The following SYNPO2 variants were observed in gnomAD, a reference collection of about 807,000 sequenced individuals.
The protein encoded by SYNPO2 is synaptopodin 2, also known as synaptopodin-2.
Under a neutral mutation model 85.0 loss-of-function variants are expected in SYNPO2, and 56 were observed. The observed-to-expected ratio is 0.66, with a 90% CI of 0.53 to 0.82. The LOEUF (loss-of-function observed/expected upper bound fraction) is 0.82, where lower values mean the gene tolerates loss of function less well. Ranked by LOEUF, SYNPO2 falls within the 40% of genes least tolerant of loss-of-function variation. The pLI is 0.00. For missense variants in SYNPO2, 1,575 were observed against 1,534.2 expected (o/e 1.03, Z -0.44); for synonymous variants, 602 against 591.1 (o/e 1.02, Z -0.27).
rs189509380 is a variant in SYNPO2, at chr4:118,915,645, G to A, written c.105+26504G>A. Among the ~76,000 whole-genome samples, 126 of 152,200 alleles carry A rather than the reference G, an allele frequency of 8.3e-4. 1 individual carries two copies. Among genetic ancestry groups the A allele is most frequent in the Middle Eastern group, 6.8e-3 (2 of 294 alleles). On this transcript the variant is annotated intron_variant, in intron 1 of 4. Coordinates refer to ENST00000307142, the MANE Select transcript of SYNPO2 (RefSeq NM_133477.3). ...TTGCTATTGTGAACACGTGTTACTA[G>A]AACATGTTTCCTCTTGTACATGGGC... is the stretch of plus-strand genomic sequence containing the variant.
intron 1 of SYNPO2, among the ~76,000 whole-genome samples, chr4:118,915,463 C>A (rs1014453219): frequency 6.6e-6 from 1 of 152,044 alleles, no homozygotes; most frequent in Non-Finnish European, 1.5e-5. Context: ...ATCTTCGGGA[C>A]TTGTTTTTCC....
chr4:119,030,836 C>G lies in SYNPO2; in HGVS notation c.2061C>G (p.Ala687=). ...AAAGAACAGGAATATTGCAGGAGGC[C>G]AAAAGGAGAAGCACGACAAAACCCA... ...PAKRTGILQE[A]KRRSTTKPMF... is the part of the protein sequence containing the mutation. The change falls in exon 4 of 5, where the codon GCC becomes GCG. Residue 687 remains alanine, a synonymous_variant. Coordinates refer to ENST00000307142, the MANE Select transcript of SYNPO2 (RefSeq NM_133477.3). The G allele has an allele frequency of 6.2e-7, 1 of 1,614,022 alleles. No homozygotes were observed. The highest frequency in any genetic ancestry group is 1.1e-5 in the South Asian group (1 of 91,074).
At chr4:119,051,033 C>G (rs1043796974) in intron 4 of SYNPO2, among the ~76,000 whole-genome samples, 2 of 151,978 alleles carry the variant, frequency 1.3e-5, no homozygotes, top group African/African-American at 4.8e-5. Flanking sequence ...TATTATTTCT[C>G]CTTAGTTTGA....
intron 2 of SYNPO2, among the ~76,000 whole-genome samples, chr4:119,024,175 G>C (rs1170432956): frequency 6.6e-6 from 1 of 152,070 alleles, no homozygotes; most frequent in Non-Finnish European, 1.5e-5. Flanking sequence ...TCCCCACATA[G>C]TTGTTTAACA....
chr4:118,888,093 C>A (rs1234186682), upstream of SYNPO2, among the ~76,000 whole-genome samples: 1 of 151,838 alleles, frequency 6.6e-6, no homozygotes, highest in Non-Finnish European at 1.5e-5. Flanking sequence ...AAATAAGAAA[C>A]CTGTAGGTGA....
chr4:118,972,582 A>C (rs1735578997), intron 1 of SYNPO2, among the ~76,000 whole-genome samples: 1 of 152,192 alleles, frequency 6.6e-6, no homozygotes, highest in African/African-American at 2.4e-5. Flanking sequence ...CAGTTTGTCT[A>C]AACTAACTCA....
intron 1 of SYNPO2, among the ~76,000 whole-genome samples, chr4:118,851,183 AAC>A (rs1731414520): frequency 6.6e-6 from 1 of 152,186 alleles, no homozygotes; most frequent in African/African-American, 2.4e-5. Flanking sequence ...TTGTCCTAGT[AAC>A]CCCAGCATCA....
intron 1 of SYNPO2, among the ~76,000 whole-genome samples, chr4:118,882,945 G>A (rs1210313581): frequency 6.6e-6 from 1 of 151,926 alleles, no homozygotes; most frequent in Non-Finnish European, 1.5e-5. Context: ...TGTATTTTTA[G>A]TGAGACGGGG....
At chr4:118,903,814 T>C (rs4833596) in intron 1 of SYNPO2, among the ~76,000 whole-genome samples, 122,225 of 151,804 alleles carry the variant, frequency 0.81, 49,328 homozygotes, top group South Asian at 0.88. Context: ...CTGGTTCAAG[T>C]GATTCTCCTG....
At chr4:118,915,618 T>A (rs998072319) in intron 1 of SYNPO2, among the ~76,000 whole-genome samples, 4 of 152,138 alleles carry the variant, frequency 2.6e-5, no homozygotes, top group Non-Finnish European at 5.9e-5. Context: ...TGCTCCAGGT[T>A]TTTGCTATTG....
chr4:119,003,258 A>G (rs1465665069), intron 1 of SYNPO2, among the ~76,000 whole-genome samples: 1 of 152,148 alleles, frequency 6.6e-6, no homozygotes, highest in East Asian at 1.9e-4. Flanking sequence ...ACAGGGTGGC[A>G]GGAGAGAGAA....
chr4:118,976,858 G>A (rs959094101), intron 1 of SYNPO2, among the ~76,000 whole-genome samples: 1 of 152,338 alleles, frequency 6.6e-6, no homozygotes. Flanking sequence ...GCTAGATACA[G>A]AGTGTCGATT....
chr4:119,026,700 G>C lies in SYNPO2; in HGVS notation c.331G>C (p.Gly111Arg). The change falls in exon 3 of 5, where the codon GGT becomes CGT. Residue 111 changes from glycine to arginine, a missense_variant. Gly to Arg is a moderately radical substitution (Grantham distance 125). Around this residue, in one of 3 missense-constraint regions of SYNPO2, gnomAD observed 1,508 missense variants for 1,446.8 expected, o/e 1.04. Coordinates refer to ENST00000307142, the MANE Select transcript of SYNPO2 (RefSeq NM_133477.3). The part of the protein sequence containing the change: ...NKNLEHLTHG[G>R]YVESTTLQIR... Reference sequence around the variant, plus strand: ...AAACCTCGAGCATCTCACACATGGGGGTTATGTGGAAAGTACCACCCTGCA... The same window carrying C: ...AAACCTCGAGCATCTCACACATGGGCGTTATGTGGAAAGTACCACCCTGCA... The C allele has an allele frequency of 6.2e-7, 1 of 1,614,100 alleles. No individual in the cohort carries two copies. The highest frequency in any genetic ancestry group is 8.5e-7 in the Non-Finnish European group (1 of 1,179,998).
At position 119,026,503 on chromosome 4, in the gene SYNPO2, C is replaced by G. The variant is rs568776649; in HGVS notation, c.258-124C>G. 4.3e-5 allele frequency: 46 copies of G among 1,074,934 alleles called. No homozygotes were observed. In the East Asian group the frequency reaches 1.1e-3, roughly 25 times the overall value. The allele number at this position is 1,074,934 out of a possible 1,614,324, so 66.6% of individuals were successfully genotyped here. A position where few individuals can be genotyped will look rare whatever the true frequency, so the allele number is the denominator to read the frequency against. On this transcript the variant is annotated intron_variant, in intron 2 of 4. Transcript: ENST00000307142. ...CCTTCTGTTTTCAAATATGTTGCAACTGACATTTAGAAGAAAATATTTTGA... is the reference window on the plus strand; with the variant it reads ...CCTTCTGTTTTCAAATATGTTGCAAGTGACATTTAGAAGAAAATATTTTGA...
chr4:118,903,209 C>CA (rs569220514), intron 1 of SYNPO2, among the ~76,000 whole-genome samples: 110 of 152,200 alleles, frequency 7.2e-4, no homozygotes, highest in Middle Eastern at 3.4e-3. Flanking sequence ...AAAGACTGTA[C>CA]ATTAAGATGA....
intron 1 of SYNPO2, among the ~76,000 whole-genome samples, chr4:118,896,959 TAAA>T (rs58815664): frequency 6.8e-6 from 1 of 147,832 alleles, no homozygotes; most frequent in Non-Finnish European, 1.5e-5. Context: ...GCTGGATTGA[TAAA>T]AAAAAAAAAT....
At chr4:118,945,589 G>T (rs1285773894) in intron 1 of SYNPO2, among the ~76,000 whole-genome samples, 1 of 152,074 alleles carries the variant, frequency 6.6e-6, no homozygotes. Flanking sequence ...GTCCAGAATT[G>T]CCCTATATAT....
rs375445840 is a variant in SYNPO2 at position 118,910,034 on chromosome 4, G to A, written c.105+20893G>A. 1.8e-4 allele frequency among the ~76,000 whole-genome samples: 28 copies of A among 152,136 alleles called. No individual in the cohort carries two copies. In the South Asian group the frequency reaches 3.5e-3, roughly 19 times the overall value. On this transcript the variant is annotated intron_variant, in intron 1 of 4. Coordinates refer to ENST00000307142, the MANE Select transcript of SYNPO2 (RefSeq NM_133477.3). ...TTATTTTTTGTTTTCCATTTCCAACGTCTATTTTACTATGACCTCCAAATC... is the reference window on the plus strand; with the variant it reads ...TTATTTTTTGTTTTCCATTTCCAACATCTATTTTACTATGACCTCCAAATC...
intron 1 of SYNPO2, among the ~76,000 whole-genome samples, chr4:119,019,381 T>C (rs922739924): frequency 6.6e-6 from 1 of 152,182 alleles, no homozygotes; most frequent in Non-Finnish European, 1.5e-5. Flanking sequence ...ATATTATATG[T>C]AGAATGAGGT....
Sources: allele counts gnomAD v4.1 joint callset (sites outside exome capture counted in the v4.1 genomes callset), GRCh38; gene constraint gnomAD v4.1.1; regional missense constraint gnomAD v4.1.1; transcripts MANE v1.5; gene names NCBI Gene and HGNC (gene_info 2026-07-23, HGNC 2026-07-21).